Variants in NDUFAF6 observed in about 807,000 individuals in gnomAD.
The protein encoded by NDUFAF6 is NADH:ubiquinone oxidoreductase complex assembly factor 6, also known as NADH dehydrogenase (ubiquinone) complex I, assembly factor 6.
In NDUFAF6, 45 loss-of-function variants were observed where a neutral mutation model predicts 40.8. The observed-to-expected ratio is 1.10, with a 90% CI of 0.87 to 1.42. The LOEUF is 1.42. Among genes scored for constraint, NDUFAF6 ranks in the 40% most tolerant of loss-of-function variants. The pLI, the probability that NDUFAF6 is intolerant of heterozygous loss-of-function variation, is 0.00. For synonymous variants in NDUFAF6, 185 were observed against 155.9 expected, an observed-to-expected ratio of 1.19 and a Z score of -1.39; for missense variants, 435 against 418.5, an observed-to-expected ratio of 1.04 and a Z score of -0.34.
chr8:95,117,889 C>G (rs950334395), downstream of NDUFAF6, among the ~76,000 whole-genome samples: 1 of 152,210 alleles, frequency 6.6e-6, no homozygotes, highest in African/African-American at 2.4e-5. Context: ...AGTAGATGTT[C>G]TGGTTATTGA....
At chr8:94,982,996 G>A (rs898941666) in intron 2 of NDUFAF6, among the ~76,000 whole-genome samples, 5 of 152,186 alleles carry the variant, frequency 3.3e-5, no homozygotes, top group Admixed American at 6.5e-5. Context: ...ACTGTTTTTG[G>A]TGTAGTCTTG....
At chr8:95,112,847 G>A (rs1810035407) in intron 4 of NDUFAF6, among the ~76,000 whole-genome samples, 1 of 152,242 alleles carries the variant, frequency 6.6e-6, no homozygotes, top group African/African-American at 2.4e-5. Context: ...ACAGCACTAA[G>A]ATTAAAAATG....
chr8:94,940,989 A>G (rs1340453150), intron 1 of NDUFAF6: 3 of 1,457,324 alleles, frequency 2.1e-6, no homozygotes, highest in Non-Finnish European at 2.9e-6. Flanking sequence ...TATAGCTGAG[A>G]TTTCAAAACC....
intron 2 of NDUFAF6, among the ~76,000 whole-genome samples, chr8:95,083,679 A>G (rs142707461): frequency 6.6e-6 from 1 of 152,212 alleles, no homozygotes; most frequent in African/African-American, 2.4e-5. Flanking sequence ...TTCTTTATTA[A>G]TGCATTAATT....
chr8:94,932,437 A>G (rs928293382), intron 1 of NDUFAF6, among the ~76,000 whole-genome samples: 5 of 152,222 alleles, frequency 3.3e-5, no homozygotes, highest in African/African-American at 1.2e-4. Flanking sequence ...GAAAACAGAT[A>G]TTTACTACAA....
intron 1 of NDUFAF6, among the ~76,000 whole-genome samples, chr8:94,972,061 A>G (rs970926855): frequency 2.6e-5 from 4 of 152,204 alleles, no homozygotes; most frequent in Admixed American, 6.5e-5. Flanking sequence ...TGCTTCCTTT[A>G]CCTATCAAAC....
upstream of NDUFAF6, among the ~76,000 whole-genome samples, chr8:94,954,253 G>C (rs961306669): frequency 6.6e-6 from 1 of 152,058 alleles, no homozygotes; most frequent in Non-Finnish European, 1.5e-5. Flanking sequence ...AGTAGAGACA[G>C]GGTTTCACCA....
intron 8 of NDUFAF6, among the ~76,000 whole-genome samples, chr8:95,056,275 G>A (rs968226780): frequency 6.6e-6 from 1 of 150,932 alleles, no homozygotes; most frequent in Non-Finnish European, 1.5e-5. Flanking sequence ...CCAGGCTAGA[G>A]TGCAGGCTCA....
chr8:95,041,961 C>G (rs1442874451), intron 4 of NDUFAF6, among the ~76,000 whole-genome samples: 3 of 152,102 alleles, frequency 2.0e-5, no homozygotes, highest in Non-Finnish European at 4.4e-5. Context: ...TCCCAGACAT[C>G]TTATCATTTG....
chr8:95,061,027 G>C (rs541550812), downstream of NDUFAF6, among the ~76,000 whole-genome samples: 2 of 152,238 alleles, frequency 1.3e-5, no homozygotes, highest in East Asian at 3.9e-4. Context: ...GGAAGATTGG[G>C]TAGGACCCAG....
chr8:94,938,501 G>T (rs1046499106), intron 1 of NDUFAF6, among the ~76,000 whole-genome samples: 11 of 152,220 alleles, frequency 7.2e-5, no homozygotes, highest in Non-Finnish European at 1.6e-4. Flanking sequence ...CTTCAGGATG[G>T]GATGTGGTCA....
chr8:94,958,146 G>C (rs1823237832), exon 1 of NDUFAF6: 1 of 152,462 alleles, frequency 6.6e-6, no homozygotes, highest in Non-Finnish European at 1.5e-5. Context: ...AGGTTAAAAA[G>C]AAGGAGGAAA....
chr8:94,927,596 A>C (rs1318581523), intron 1 of NDUFAF6: 1 of 152,232 alleles, frequency 6.6e-6, no homozygotes, highest in African/African-American at 2.4e-5. Context: ...ATTGCCACAG[A>C]AGATAAATAA....
At chr8:95,057,543 C>G (rs1188263382) in intron 8 of NDUFAF6, among the ~76,000 whole-genome samples, 1 of 152,140 alleles carries the variant, frequency 6.6e-6, no homozygotes, top group East Asian at 1.9e-4. Context: ...TTTGCTAATC[C>G]TTTTGTCTTA....
At chr8:95,034,883 A>ATT (rs879728933) in intron 2 of NDUFAF6, among the ~76,000 whole-genome samples, 1 of 142,712 alleles carries the variant, frequency 7.0e-6, no homozygotes. Flanking sequence ...TAAGAAGGCC[A>ATT]TTTTTTTTTT....
chr8:94,911,345 A>G (rs1563702192), intron 1 of NDUFAF6, among the ~76,000 whole-genome samples: 1 of 152,210 alleles, frequency 6.6e-6, no homozygotes, highest in Non-Finnish European at 1.5e-5. Flanking sequence ...AAAGGGAATA[A>G]CACCTACCTC....
rs1396036513 is a variant in NDUFAF6, at chr8:95,047,071, A to T, written c.658A>T (p.Thr220Ser). 6.2e-7 allele frequency: 1 copy of T among 1,614,202 alleles called. No homozygotes were observed. Among genetic ancestry groups the T allele is most frequent in the Non-Finnish European group, 8.5e-7 (1 of 1,180,018 alleles). ...AQGIVTCLRATPYHGSRRKVF... is the reference protein window; with the variant it reads ...AQGIVTCLRASPYHGSRRKVF... ...AGGCATTGTCACTTGCTTGAGAGCA[A>T]CACCATATCATGGGAGCAGAAGAAA... is the stretch of plus-strand genomic sequence containing the variant. The change falls in exon 6 of 9, where the codon ACA becomes TCA. Residue 220 changes from threonine (T) to serine (S), a missense_variant. Transcript: ENST00000396124.
chr8:95,002,309 C>A (rs1435661818), intron 2 of NDUFAF6, among the ~76,000 whole-genome samples: 1 of 152,188 alleles, frequency 6.6e-6, no homozygotes, highest in Admixed American at 6.5e-5. Context: ...CAGGCCAAGG[C>A]AAGTCACAAC....
chr8:95,016,402 C>T (rs967830160), intron 2 of NDUFAF6, among the ~76,000 whole-genome samples: 7 of 152,182 alleles, frequency 4.6e-5, no homozygotes, highest in Non-Finnish European at 1.0e-4. Context: ...CTGGCGTCTG[C>T]TAAGTGAAGG....
Sources: gnomAD v4.1 joint callset for allele counts (sites outside exome capture counted in the v4.1 genomes callset) on GRCh38, gnomAD v4.1.1 for gene constraint, MANE v1.5 for transcripts, NCBI Gene and HGNC (gene_info 2026-07-23, HGNC 2026-07-21) for gene names.